Variants in FSTL5 observed in about 807,000 individuals in gnomAD.
FSTL5 encodes the protein follistatin like 5.
FSTL5 carries 62 observed loss-of-function variants against 89.1 expected under a neutral mutation model. The ratio of observed to expected loss-of-function variants is 0.70; its 90% CI spans 0.57 to 0.86. FSTL5 has a LOEUF of 0.86. Among genes scored for constraint, FSTL5 ranks in the 40% least tolerant of loss-of-function variants. The probability of loss-of-function intolerance (pLI) is 0.00; values close to 1 mark genes in which losing one functional copy is unlikely to be tolerated. For missense variants in FSTL5, 1,057 were observed against 1,001.6 expected (o/e 1.06, Z -0.75); for synonymous variants, 383 against 346.2 (o/e 1.11, Z -1.18).
At chr4:161,564,065 T>C (rs1732711120) in intron 8 of FSTL5, among the ~76,000 whole-genome samples, 1 of 151,888 alleles carries the variant, frequency 6.6e-6, no homozygotes, top group Non-Finnish European at 1.5e-5. Flanking sequence ...CTAGACATTT[T>C]ATAAACATTT....
chr4:161,981,383 G>A (rs952852420), intron 3 of FSTL5, among the ~76,000 whole-genome samples: 1 of 152,144 alleles, frequency 6.6e-6, no homozygotes, highest in African/African-American at 2.4e-5. Flanking sequence ...AGAAAGCAGA[G>A]TAATGAAAAG....
At chr4:161,688,179 C>T (rs566670655) in intron 6 of FSTL5, among the ~76,000 whole-genome samples, 9 of 152,312 alleles carry the variant, frequency 5.9e-5, no homozygotes, top group Non-Finnish European at 1.3e-4. Context: ...AGCTCCTGTG[C>T]TCAAGTGATC....
intron 4 of FSTL5, among the ~76,000 whole-genome samples, chr4:161,841,299 G>T (rs2126871894): frequency 6.6e-6 from 1 of 152,222 alleles, no homozygotes; most frequent in African/African-American, 2.4e-5. Context: ...ATATGTTATT[G>T]TTGCAATTTC....
chr4:161,900,638 CAAAAAAAAAA>C (rs58702301), intron 4 of FSTL5, among the ~76,000 whole-genome samples: 2 of 65,324 alleles, frequency 3.1e-5, no homozygotes, highest in Non-Finnish European at 5.6e-5. Flanking sequence ...GACTCCATCT[CAAAAAAAAAA>C]AAAAAAAAAA....
At chr4:162,035,777 C>G (rs1043289707) in intron 2 of FSTL5, among the ~76,000 whole-genome samples, 1 of 152,014 alleles carries the variant, frequency 6.6e-6, no homozygotes, top group African/African-American at 2.4e-5. Flanking sequence ...GAAGGTATTG[C>G]AGTAATTCAG....
intron 6 of FSTL5, among the ~76,000 whole-genome samples, chr4:161,683,647 A>T (rs867868462): frequency 2.6e-4 from 39 of 152,204 alleles, no homozygotes; most frequent in Non-Finnish European, 2.4e-4. Context: ...TGCTAAATGT[A>T]TGTGTGTGAG....
At chr4:162,119,627 A>T (rs533796687) in intron 1 of FSTL5, among the ~76,000 whole-genome samples, 1 of 152,230 alleles carries the variant, frequency 6.6e-6, no homozygotes, top group African/African-American at 2.4e-5. Context: ...AGATCAGGGT[A>T]AGTTGCATAT....
intron 13 of FSTL5, among the ~76,000 whole-genome samples, chr4:161,460,541 C>T (rs576462527): frequency 2.0e-5 from 3 of 152,186 alleles, no homozygotes; most frequent in East Asian, 1.9e-4. Flanking sequence ...ATGCAATGTT[C>T]TTCTCAGCAC....
At chr4:161,493,281 GTC>G (rs1163643082) in intron 12 of FSTL5, among the ~76,000 whole-genome samples, 1 of 151,544 alleles carries the variant, frequency 6.6e-6, no homozygotes, top group Non-Finnish European at 1.5e-5. Flanking sequence ...CAAAATTATT[GTC>G]TCTCATAGAA....
At chr4:161,457,143 TC>T (rs1733382583) in intron 14 of FSTL5, among the ~76,000 whole-genome samples, 1 of 152,162 alleles carries the variant, frequency 6.6e-6, no homozygotes, top group Non-Finnish European at 1.5e-5. Context: ...GATCCAGAGA[TC>T]TTGTGTTTCC....
At chr4:161,950,924 T>C (rs1468891330) in intron 3 of FSTL5, among the ~76,000 whole-genome samples, 1 of 152,052 alleles carries the variant, frequency 6.6e-6, no homozygotes, top group African/African-American at 2.4e-5. Flanking sequence ...ATTATTATTA[T>C]TACTACTTGA....
chr4:161,964,936 GT>G (rs1172411745), intron 3 of FSTL5, among the ~76,000 whole-genome samples: 1 of 151,904 alleles, frequency 6.6e-6, no homozygotes, highest in Non-Finnish European at 1.5e-5. Context: ...TTAATTGTTG[GT>G]TTATCATTCC....
chr4:161,531,101 T>C (rs1283648385), intron 10 of FSTL5, among the ~76,000 whole-genome samples: 1 of 152,196 alleles, frequency 6.6e-6, no homozygotes, highest in East Asian at 1.9e-4. Flanking sequence ...TGAAAACCTA[T>C]CTCTAATGTA....
At chr4:161,487,318 C>T (rs1729713625) in intron 12 of FSTL5, among the ~76,000 whole-genome samples, 2 of 152,108 alleles carry the variant, frequency 1.3e-5, no homozygotes, top group South Asian at 4.1e-4. Flanking sequence ...CAATGTCATG[C>T]AGAATCATTG....
At chr4:161,830,549 C>T (rs1277983695) in intron 4 of FSTL5, among the ~76,000 whole-genome samples, 3 of 151,498 alleles carry the variant, frequency 2.0e-5, no homozygotes, top group Admixed American at 2.0e-4. Flanking sequence ...TATGTTGTGG[C>T]CTAGGAAAGA....
At chr4:161,973,462 C>T (rs1007974674) in intron 3 of FSTL5, among the ~76,000 whole-genome samples, 3 of 152,124 alleles carry the variant, frequency 2.0e-5, no homozygotes, top group African/African-American at 7.2e-5. Flanking sequence ...TTGAAATCAA[C>T]AAAACTGTGC....
chr4:161,580,879 G>A (rs1185896357), intron 8 of FSTL5, among the ~76,000 whole-genome samples: 1 of 152,160 alleles, frequency 6.6e-6, no homozygotes, highest in African/African-American at 2.4e-5. Flanking sequence ...AGAGAGACAA[G>A]CTTTGGCAGT....
At chr4:161,811,907 G>A (rs1730161577) in intron 4 of FSTL5, among the ~76,000 whole-genome samples, 2 of 152,112 alleles carry the variant, frequency 1.3e-5, no homozygotes, top group Admixed American at 6.5e-5. Flanking sequence ...CATATAGAAT[G>A]TTCCGAGGAT....
chr4:161,599,973 T>A (rs558605256), intron 7 of FSTL5, among the ~76,000 whole-genome samples: 1 of 152,058 alleles, frequency 6.6e-6, no homozygotes, highest in Non-Finnish European at 1.5e-5. Flanking sequence ...GTATTGACAA[T>A]GCCATATTTT....
Sources: gnomAD v4.1 joint callset for allele counts (sites outside exome capture counted in the v4.1 genomes callset) on GRCh38, gnomAD v4.1.1 for gene constraint, MANE v1.5 for transcripts, NCBI Gene and HGNC (gene_info 2026-07-23, HGNC 2026-07-21) for gene names.